DOCK9: variants seen among roughly 807,000 people sequenced by gnomAD.
DOCK9 encodes the protein dedicator of cytokinesis protein 9.
DOCK9 carries 89 observed loss-of-function variants against 263.3 expected under a neutral mutation model. The observed-to-expected ratio is 0.34, with a 90% CI of 0.28 to 0.40. DOCK9 has a LOEUF of 0.40. DOCK9 is among the 10% of genes least tolerant of loss of function. The pLI is 1.00. For synonymous variants in DOCK9, 976 were observed against 973.1 expected (o/e 1.00, Z -0.06); for missense variants, 2,140 against 2,603.4 (o/e 0.82, Z 3.87).
chr13:98,927,540 C>A (rs2053176036), intron 3 of DOCK9, among the ~76,000 whole-genome samples: 1 of 152,120 alleles, frequency 6.6e-6, no homozygotes, highest in Non-Finnish European at 1.5e-5. Context: ...TAAAATGTAC[C>A]TGCCCAATTA....
rs377181227 is a variant in DOCK9, at chr13:98,800,362, G to A, written c.5842C>T (p.Arg1948Trp). 4.2e-5 allele frequency: 68 copies of A among 1,613,512 alleles called. No homozygotes were observed. Among genetic ancestry groups the A allele is most frequent in the Non-Finnish European group, 5.4e-5 (64 of 1,179,794 alleles). The change falls in exon 50 of 53, where the codon CGG (arginine) becomes TGG (tryptophan). Residue 1948 changes from arginine to tryptophan, a missense_variant. Transcript: ENST00000682017. ...DEMSKKVAEL[R>W]QLCSSAEVDM... ...ACCTCGGCCGAGGAGCACAGCTGCCGGAGCTCCGCCACCTTCTTACTCATC... is the reference window on the plus strand; with the variant it reads ...ACCTCGGCCGAGGAGCACAGCTGCCAGAGCTCCGCCACCTTCTTACTCATC...
rs2092666973 is a variant in DOCK9, at chr13:98,829,240, T to A, written c.4965+67A>T. On this transcript the variant is annotated intron_variant, in intron 43 of 52. Coordinates refer to ENST00000682017, the MANE Select transcript of DOCK9 (RefSeq NM_001366683.2). The surrounding 1 kb of genome is among the most constrained non-coding windows in gnomAD (Gnocchi z 4.1). ...TGGAATAACTTTTCTCAAAACTGGCTTTTTAAGTGAATGGGGCCTCACTGG... is the reference window on the plus strand; with the variant it reads ...TGGAATAACTTTTCTCAAAACTGGCATTTTAAGTGAATGGGGCCTCACTGG... The A allele has an allele frequency of 1.4e-6, 2 of 1,442,528 alleles. No individual in the cohort carries two copies. Among genetic ancestry groups the A allele is most frequent in the Admixed American group, 2.2e-5 (1 of 45,634 alleles). The allele number at this position is 1,442,528 out of a possible 1,614,324, so 89.4% of individuals were successfully genotyped here.
chr13:98,798,471 G>A (rs2089710392), intron 50 of DOCK9, among the ~76,000 whole-genome samples: 1 of 152,200 alleles, frequency 6.6e-6, no homozygotes, highest in African/African-American at 2.4e-5. Flanking sequence ...AAGGTGCGTT[G>A]AGGGTGGAAC....
intron 38 of DOCK9, among the ~76,000 whole-genome samples, chr13:98,845,053 AT>A (rs1173036081): frequency 2.2e-4 from 34 of 152,306 alleles, no homozygotes; most frequent in Admixed American, 9.2e-4. Context: ...GATCTCATCA[AT>A]TTTTCACGTG....
intron 25 of DOCK9, among the ~76,000 whole-genome samples, chr13:98,881,209 C>T (rs1362384224): frequency 6.6e-6 from 1 of 151,188 alleles, no homozygotes; most frequent in Non-Finnish European, 1.5e-5. Flanking sequence ...AGCAGTTTTG[C>T]TGGAAAGTTT....
chr13:98,930,278 A>G, intron 2 of DOCK9, 21 bp from the exon 3 acceptor site: 1 of 1,594,920 alleles, frequency 6.3e-7, no homozygotes, highest in Non-Finnish European at 8.6e-7. Flanking sequence ...AAACAGGAGG[A>G]AAAGCCTTGG....
intron 34 of DOCK9, 40 bp downstream of exon 34, chr13:98,855,858 T>C (rs754239483): frequency 1.2e-6 from 2 of 1,608,800 alleles, no homozygotes; most frequent in Non-Finnish European, 1.7e-6. Flanking sequence ...CTAAATCCAT[T>C]GATTATAAGA....
At chr13:98,902,002 T>C in intron 12 of DOCK9, 102 bp from the exon 13 acceptor site, 1 of 1,424,196 alleles carries the variant, frequency 7.0e-7, no homozygotes, top group Non-Finnish European at 9.4e-7. Context: ...GGACAACTAG[T>C]AAAAAGCACC....
At chr13:98,855,499 G>A (rs1449171822) in intron 34 of DOCK9, among the ~76,000 whole-genome samples, 1 of 152,178 alleles carries the variant, frequency 6.6e-6, no homozygotes. Flanking sequence ...TTGAACCCAG[G>A]AGGCGGAGGT....
At chr13:98,867,809 G>T in intron 29 of DOCK9, 119 bp downstream of exon 29, 1 of 957,932 alleles carries the variant, frequency 1.0e-6, no homozygotes, top group Non-Finnish European at 1.5e-6. Context: ...ACAGACACAG[G>T]CTCAATACAA....
intron 1 of DOCK9, among the ~76,000 whole-genome samples, chr13:98,967,977 TC>T (rs2059369187): frequency 6.8e-6 from 1 of 146,790 alleles, no homozygotes; most frequent in South Asian, 2.2e-4. Flanking sequence ...AAAAAAAAAA[TC>T]ACAAATATTT....
intron 44 of DOCK9, among the ~76,000 whole-genome samples, chr13:98,826,419 T>C (rs2092540656): frequency 6.6e-6 from 1 of 152,234 alleles, no homozygotes; most frequent in Non-Finnish European, 1.5e-5. Context: ...AAAGGCTGCC[T>C]TCTTAGACAA....
chr13:99,008,230 A>AT lies in DOCK9; in HGVS notation c.130-52680dup, dbSNP rs1177982728. On this transcript the variant is annotated intron_variant, in intron 1 of 32. Transcript: ENST00000427887. ...TCTCTCTCTATATATATATATATAT[A>AT]TATATTTTTTTTTTTTTTTGAGACG... Among the ~76,000 whole-genome samples the AT allele has an allele frequency of 3.2e-3, 364 of 114,362 alleles. 5 individuals are homozygous for AT. The highest frequency in any genetic ancestry group is 0.03 in the South Asian group (92 of 3,032). 75.0% of individuals were successfully genotyped at this position (114,362 alleles called of 152,430 possible).
intron 38 of DOCK9, among the ~76,000 whole-genome samples, chr13:98,838,230 T>C (rs1411285351): frequency 6.6e-6 from 1 of 152,214 alleles, no homozygotes; most frequent in Non-Finnish European, 1.5e-5. Context: ...GGCAAGTTAT[T>C]TGGCCCCTTT....
At position 98,798,530 on chromosome 13, in the gene DOCK9, C is replaced by T. The variant is rs769112105; in HGVS notation, c.5917-1041G>A. ...GGGAACTGTATTCATCACCTGAAGA[C>T]GACCAAAATGACTGATCATCTAAAA... On this transcript the variant is annotated intron_variant, in intron 50 of 52. Transcript: ENST00000682017. Among the ~76,000 whole-genome samples, 12 of 68,436 alleles carry T rather than the reference C, an allele frequency of 1.8e-4. No homozygotes were observed. In the East Asian group the frequency reaches 1.9e-3, roughly 11 times the overall value. 44.9% of individuals were successfully genotyped at this position (68,436 alleles called of 152,430 possible). A position where few individuals can be genotyped will look rare whatever the true frequency, so the allele number is the denominator to read the frequency against.
At chr13:98,827,552 C>T (rs1302325864) in intron 43 of DOCK9, among the ~76,000 whole-genome samples, 3 of 152,244 alleles carry the variant, frequency 2.0e-5, no homozygotes, top group Non-Finnish European at 4.4e-5. Flanking sequence ...GTGGTGCCCT[C>T]GTCTAGACCC....
At chr13:98,844,362 A>AT (rs201571087) in intron 38 of DOCK9, among the ~76,000 whole-genome samples, 10 of 113,958 alleles carry the variant, frequency 8.8e-5, no homozygotes, top group South Asian at 2.8e-4. Context: ...AACATTTTTT[A>AT]TTTTTTTTAT....
At chr13:98,903,622 C>CA (rs200600461) in intron 10 of DOCK9, among the ~76,000 whole-genome samples, 60 of 124,182 alleles carry the variant, frequency 4.8e-4, no homozygotes, top group East Asian at 2.9e-3. Flanking sequence ...AAAAAAAAGA[C>CA]AAAAAAAAAA....
At chr13:98,844,402 C>T (rs1359045410) in intron 38 of DOCK9, among the ~76,000 whole-genome samples, 1 of 151,634 alleles carries the variant, frequency 6.6e-6, no homozygotes, top group Non-Finnish European at 1.5e-5. Context: ...CTTGTTCTGT[C>T]ACCCAGGCTG....
Sources: gnomAD v4.1 joint callset for allele counts (sites outside exome capture counted in the v4.1 genomes callset) on GRCh38, gnomAD v4.1.1 for gene constraint, Gnocchi (gnomAD v3.1) non-coding constraint, MANE v1.5 for transcripts, NCBI Gene and HGNC (gene_info 2026-07-23, HGNC 2026-07-21) for gene names.